Variants in NUP160 observed in about 807,000 individuals in gnomAD.
NUP160 encodes nuclear pore complex protein Nup160.
NUP160 carries 94 observed loss-of-function variants against 196.9 expected under a neutral mutation model. That is an observed-to-expected ratio of 0.48 (90% CI 0.40 to 0.57). The LOEUF is 0.57. NUP160 is among the 20% of genes least tolerant of loss of function. The pLI, the probability that NUP160 is intolerant of heterozygous loss-of-function variation, is 0.00. For synonymous variants in NUP160, 605 were observed against 619.7 expected, an observed-to-expected ratio of 0.98 and a Z score of 0.35; for missense variants, 1,638 against 1,748.3, an observed-to-expected ratio of 0.94 and a Z score of 1.13.
intron 28 of NUP160, 147 bp from the exon 29 acceptor site, chr11:47,792,137 G>GT (rs2097668239): frequency 1.7e-6 from 1 of 576,344 alleles, no homozygotes; most frequent in South Asian, 2.6e-5. Context: ...CAGAGGTACT[G>GT]TAACTATGAG....
chr11:47,847,859 C>T, exon 2 of NUP160: 1 of 1,611,948 alleles, frequency 6.2e-7, no homozygotes. Flanking sequence ...AATGAATGAA[C>T]CTGTTTCTGG....
chr11:47,806,054 T>A, intron 20 of NUP160, 99 bp downstream of exon 20: 1 of 1,129,370 alleles, frequency 8.9e-7, no homozygotes, highest in Non-Finnish European at 1.3e-6. Flanking sequence ...CCATAAGTGA[T>A]AAACCTGCCT....
intron 18 of NUP160, among the ~76,000 whole-genome samples, chr11:47,807,980 T>A (rs768549433): frequency 8.5e-5 from 13 of 152,330 alleles, no homozygotes; most frequent in East Asian, 1.9e-4. Context: ...TTTTACGGCA[T>A]CCTGTTAAAA....
rs144017814 is a variant in NUP160, at chr11:47,783,794, C to G, written c.3991-596G>C. On this transcript the variant is annotated intron_variant, in intron 33 of 35. Coordinates refer to ENST00000378460, the Ensembl canonical transcript of NUP160. ...AGGCTTGGGGGCAGTGGTGCAACCT[C>G]AGATCACTGTAACCTCTGCCTCCAG... 7.9e-5 allele frequency among the ~76,000 whole-genome samples: 12 copies of G among 152,124 alleles called. No homozygotes were observed. In the East Asian group the frequency reaches 2.3e-3, roughly 29 times the overall value.
chr11:47,793,264 T>G (rs1599309899), intron 27 of NUP160, among the ~76,000 whole-genome samples: 3 of 152,186 alleles, frequency 2.0e-5, no homozygotes, highest in Admixed American at 2.0e-4. Flanking sequence ...GGATTACAGG[T>G]GTGAGCCACC....
chr11:47,809,765 C>T (rs931654254), intron 17 of NUP160, among the ~76,000 whole-genome samples: 6 of 126,696 alleles, frequency 4.7e-5, no homozygotes, highest in African/African-American at 1.5e-4. Context: ...AAAAGATGTG[C>T]GGAAAATTAT....
chr11:47,804,297 C>T (rs2097676170), intron 21 of NUP160: 2 of 386,556 alleles, frequency 5.2e-6, no homozygotes, highest in South Asian at 6.8e-5. Context: ...CTTTAAAAGC[C>T]TTTAGAACCA....
chr11:47,832,059 G>A (rs183598537), intron 7 of NUP160, among the ~76,000 whole-genome samples: 4 of 151,712 alleles, frequency 2.6e-5, no homozygotes, highest in East Asian at 3.9e-4. Context: ...GCACCACTAC[G>A]CCCAGCTAAT....
At chr11:47,812,266 T>C (rs761452251) in intron 16 of NUP160, 36 bp downstream of exon 16, 2 of 1,613,684 alleles carry the variant, frequency 1.2e-6, no homozygotes, top group South Asian at 2.2e-5. Flanking sequence ...ATCATTGTTT[T>C]AATCAAAGAG....
intron 10 of NUP160, among the ~76,000 whole-genome samples, chr11:47,818,709 C>T (rs943232175): frequency 2.6e-5 from 4 of 152,100 alleles, no homozygotes; most frequent in Non-Finnish European, 5.9e-5. Flanking sequence ...ATTCAAGTTT[C>T]CTTCCTTCTA....
At chr11:47,785,570 C>T (rs962272610) in intron 32 of NUP160, among the ~76,000 whole-genome samples, 1 of 152,184 alleles carries the variant, frequency 6.6e-6, no homozygotes, top group African/African-American at 2.4e-5. Flanking sequence ...CTCCCACTAA[C>T]GTATTTAGTA....
At chr11:47,780,487 G>T (rs778539190) in intron 34 of NUP160, 40 bp from the exon 35 acceptor site, 2 of 1,336,866 alleles carry the variant, frequency 1.5e-6, no homozygotes, top group Non-Finnish European at 2.1e-6. Flanking sequence ...TCTGCAAAGT[G>T]TACCATTTCT....
At chr11:47,841,699 GTT>G in intron 2 of NUP160, 5 of 279,268 alleles carry the variant, frequency 1.8e-5, no homozygotes, top group East Asian at 9.6e-5. Flanking sequence ...TTGTTTGTTT[GTT>G]TTTTTTTTGA....
intron 27 of NUP160, among the ~76,000 whole-genome samples, chr11:47,794,355 T>C (rs1476193974): frequency 6.6e-6 from 1 of 151,734 alleles, no homozygotes; most frequent in Non-Finnish European, 1.5e-5. Flanking sequence ...TAGCCAGGCA[T>C]GGTGGCAGCC....
At position 47,815,468 on chromosome 11, in the gene NUP160, A is replaced by C; in HGVS notation, c.1686+11T>G. ...CTCAAGAAGGTCTTCTCTATGCTTTAGCTCACTTACTTTTTTCAGCAGGCA... is the reference window on the plus strand; with the variant it reads ...CTCAAGAAGGTCTTCTCTATGCTTTCGCTCACTTACTTTTTTCAGCAGGCA... On this transcript the variant is annotated intron_variant, in intron 13 of 35. Transcript: ENST00000378460. 6.3e-7 allele frequency: 1 copy of C among 1,580,738 alleles called. No homozygotes were observed. The highest frequency in any genetic ancestry group is 1.2e-5 in the South Asian group (1 of 84,504).
chr11:47,813,633 C>A (rs1346067069), intron 13 of NUP160, among the ~76,000 whole-genome samples: 1 of 150,494 alleles, frequency 6.6e-6, no homozygotes, highest in Admixed American at 6.6e-5. Context: ...AGTTCAAGAC[C>A]AGCCTGGGCA....
At position 47,797,595 on chromosome 11, in the gene NUP160, C is replaced by T. The variant is rs147732523; in HGVS notation, c.3289+184G>A. Among the ~76,000 whole-genome samples the T allele has an allele frequency of 1.6e-4, 24 of 152,184 alleles. No individual in the cohort carries two copies. In the East Asian group the frequency reaches 3.5e-3, roughly 22 times the overall value. Reference sequence around the variant, plus strand: ...ACACAGAATGCCATTTTAGTGGCAACGCCTTGAGAAAGTTCTAGAATGGAA... The same window carrying T: ...ACACAGAATGCCATTTTAGTGGCAATGCCTTGAGAAAGTTCTAGAATGGAA... On this transcript the variant is annotated intron_variant, in intron 27 of 35. Transcript: ENST00000378460.
At chr11:47,834,257 A>C (rs1443473322) in intron 7 of NUP160, among the ~76,000 whole-genome samples, 1 of 152,216 alleles carries the variant, frequency 6.6e-6, no homozygotes, top group Non-Finnish European at 1.5e-5. Flanking sequence ...TGACAAACTA[A>C]TTGTAACATG....
At chr11:47,798,661 CA>C (rs2097672317) in intron 23 of NUP160, among the ~76,000 whole-genome samples, 198 bp from the exon 24 acceptor site, 1 of 151,830 alleles carries the variant, frequency 6.6e-6, no homozygotes. Flanking sequence ...CCCATCTCTA[CA>C]AAAAAATTTT....
Sources: gnomAD v4.1 joint callset for allele counts (sites outside exome capture counted in the v4.1 genomes callset) on GRCh38, gnomAD v4.1.1 for gene constraint, MANE v1.5 for transcripts, NCBI Gene and HGNC (gene_info 2026-07-23, HGNC 2026-07-21) for gene names.